Variants in SLC39A11 observed in about 807,000 individuals in gnomAD.
The protein encoded by SLC39A11 is zinc transporter ZIP11.
In SLC39A11, 33 loss-of-function variants were observed where a neutral mutation model predicts 36.1. The observed-to-expected ratio is 0.91, with a 90% CI of 0.69 to 1.22. SLC39A11 has a LOEUF of 1.22. Among genes scored for constraint, SLC39A11 ranks in the 50% most tolerant of loss-of-function variants. The probability of loss-of-function intolerance (pLI) is 0.00; values close to 1 mark genes in which losing one functional copy is unlikely to be tolerated. For synonymous variants in SLC39A11, 166 were observed against 170.3 expected, an observed-to-expected ratio of 0.97 and a Z score of 0.20; for missense variants, 432 against 430.3, an observed-to-expected ratio of 1.00 and a Z score of -0.03.
intron 5 of SLC39A11, among the ~76,000 whole-genome samples, chr17:72,915,453 G>A (rs1394822068): frequency 6.6e-6 from 1 of 152,168 alleles, no homozygotes; most frequent in Non-Finnish European, 1.5e-5. Context: ...TCTGCTTCCT[G>A]GTGCTTTCCT....
intron 4 of SLC39A11, among the ~76,000 whole-genome samples, chr17:72,999,553 T>A (rs1205330692): frequency 6.6e-6 from 1 of 152,196 alleles, no homozygotes; most frequent in African/African-American, 2.4e-5. Context: ...TATTTGGAGA[T>A]AATTTCATAC....
intron 6 of SLC39A11, among the ~76,000 whole-genome samples, chr17:72,846,988 G>T (rs184516074): frequency 6.6e-6 from 1 of 152,250 alleles, no homozygotes; most frequent in East Asian, 1.9e-4. Context: ...ACCTCTTTAA[G>T]ATACGGGGTG....
intron 7 of SLC39A11, among the ~76,000 whole-genome samples, chr17:72,721,599 T>C (rs1015979911): frequency 2.0e-5 from 3 of 152,170 alleles, no homozygotes; most frequent in Admixed American, 6.5e-5. Flanking sequence ...CTGTGGTCCA[T>C]GGACCAAGAT....
intron 4 of SLC39A11, among the ~76,000 whole-genome samples, chr17:72,966,504 C>A (rs1479476201): frequency 6.6e-6 from 1 of 152,026 alleles, no homozygotes; most frequent in Non-Finnish European, 1.5e-5. Context: ...CAAACCGGGC[C>A]GCACATCAGG....
At chr17:73,027,655 A>G (rs1025722009) in intron 4 of SLC39A11, among the ~76,000 whole-genome samples, 2 of 152,246 alleles carry the variant, frequency 1.3e-5, no homozygotes, top group African/African-American at 4.8e-5. Flanking sequence ...GGCTGAAGGA[A>G]CAGAAATGGA....
intron 6 of SLC39A11, among the ~76,000 whole-genome samples, chr17:72,841,384 G>A (rs184987988): frequency 1.1e-3 from 172 of 152,256 alleles, no homozygotes; most frequent in Non-Finnish European, 1.9e-3. Context: ...AATGAGATCC[G>A]GTCATTTGCA....
chr17:72,658,194 G>A (rs183867047), intron 7 of SLC39A11, among the ~76,000 whole-genome samples: 2 of 132,156 alleles, frequency 1.5e-5, no homozygotes, highest in Non-Finnish European at 3.2e-5. Flanking sequence ...GGCCCACAAG[G>A]GGTGCCAAGG....
rs760371408 is a variant in SLC39A11, at chr17:72,819,136, G to C, written c.601+30498C>G. Among the ~76,000 whole-genome samples the C allele has an allele frequency of 7.1e-5, 10 of 140,734 alleles. 1 individual carries two copies. Among genetic ancestry groups the C allele is most frequent in the Non-Finnish European group, 1.3e-4 (8 of 59,928 alleles). The allele number at this position is 140,734 out of a possible 152,430, so 92.3% of individuals were successfully genotyped here. ...ATGTGAACTTATTTGGAAATTGTGT[G>C]GTTTGCAGATATAATTAGTTAAGTT... On this transcript the variant is annotated intron_variant, in intron 6 of 9. Coordinates refer to ENST00000255559, the MANE Select transcript of SLC39A11 (RefSeq NM_139177.4).
intron 6 of SLC39A11, among the ~76,000 whole-genome samples, chr17:72,783,397 C>CT (rs1180085616): frequency 6.6e-6 from 1 of 152,216 alleles, no homozygotes; most frequent in African/African-American, 2.4e-5. Context: ...ACACACGCCC[C>CT]TTCCTATCAC....
chr17:72,773,248 G>A (rs2076011451), intron 6 of SLC39A11, among the ~76,000 whole-genome samples: 1 of 152,178 alleles, frequency 6.6e-6, no homozygotes, highest in Non-Finnish European at 1.5e-5. Flanking sequence ...ACTCTGAAAT[G>A]TATCTTCTAT....
At chr17:73,038,402 A>C (rs1003839812) in intron 3 of SLC39A11, among the ~76,000 whole-genome samples, 2 of 151,716 alleles carry the variant, frequency 1.3e-5, no homozygotes, top group Non-Finnish European at 2.9e-5. Flanking sequence ...GGTGATATTT[A>C]AGAAGCTGAG....
chr17:72,723,696 G>A lies in SLC39A11; in HGVS notation c.671+12954C>T, dbSNP rs372630697. 1.1e-4 allele frequency among the ~76,000 whole-genome samples: 16 copies of A among 152,252 alleles called. 1 individual carries two copies. Among genetic ancestry groups the A allele is most frequent in the African/African-American group, 3.4e-4 (14 of 41,550 alleles). On this transcript the variant is annotated intron_variant, in intron 7 of 9. Coordinates refer to ENST00000255559, the MANE Select transcript of SLC39A11 (RefSeq NM_139177.4). ...TCCTGGGGAGTGAAGAAAGTGGGTC[G>A]TAAAAGTCTGCCAGACACAGACGAA...
At chr17:72,912,211 T>G (rs2083048010) in intron 5 of SLC39A11, among the ~76,000 whole-genome samples, 2 of 151,968 alleles carry the variant, frequency 1.3e-5, no homozygotes, top group Admixed American at 1.3e-4. Context: ...TCTCCTCATC[T>G]CTAGCCAGTC....
At chr17:72,688,735 G>A (rs1023405057) in intron 7 of SLC39A11, among the ~76,000 whole-genome samples, 4 of 152,198 alleles carry the variant, frequency 2.6e-5, no homozygotes, top group Admixed American at 2.0e-4. Context: ...GAAAGGGTTC[G>A]CTTCAGTGGG....
chr17:72,801,713 A>G (rs528731043), intron 6 of SLC39A11, among the ~76,000 whole-genome samples: 5 of 152,344 alleles, frequency 3.3e-5, no homozygotes, highest in Admixed American at 6.5e-5. Flanking sequence ...AAAATTTACT[A>G]TGTATATCTA....
At chr17:72,773,565 T>C (rs1226214251) in intron 6 of SLC39A11, among the ~76,000 whole-genome samples, 1 of 152,014 alleles carries the variant, frequency 6.6e-6, no homozygotes, top group Non-Finnish European at 1.5e-5. Context: ...ATTAAACCAC[T>C]TTTTCTTTAT....
intron 7 of SLC39A11, among the ~76,000 whole-genome samples, chr17:72,734,497 G>A (rs550613239): frequency 1.3e-5 from 2 of 152,280 alleles, no homozygotes; most frequent in South Asian, 4.1e-4. Context: ...AGGGTCTCGT[G>A]AGGCTGAAAA....
chr17:72,935,846 G>A (rs1353000232), intron 5 of SLC39A11, among the ~76,000 whole-genome samples: 6 of 151,620 alleles, frequency 4.0e-5, no homozygotes, highest in Non-Finnish European at 8.8e-5. Flanking sequence ...GCCTCCCAAA[G>A]TGCTGGGATT....
chr17:73,025,758 G>A (rs968000815), intron 4 of SLC39A11, among the ~76,000 whole-genome samples: 2 of 152,100 alleles, frequency 1.3e-5, no homozygotes, highest in African/African-American at 4.8e-5. Flanking sequence ...AACAATACAA[G>A]CAAATTGGAA....
Sources: allele counts gnomAD v4.1 joint callset (sites outside exome capture counted in the v4.1 genomes callset), GRCh38; gene constraint gnomAD v4.1.1; transcripts MANE v1.5; gene names NCBI Gene and HGNC (gene_info 2026-07-23, HGNC 2026-07-21).